Variants in ABR observed in about 807,000 individuals in gnomAD.
ABR encodes active breakpoint cluster region-related protein.
In ABR, 35 loss-of-function variants were observed where a neutral mutation model predicts 107.2. That is an observed-to-expected ratio of 0.33 (90% CI 0.25 to 0.43). The LOEUF (loss-of-function observed/expected upper bound fraction) is 0.43. Among genes scored for constraint, ABR ranks in the 20% least tolerant of loss-of-function variants. The pLI is 1.00. For synonymous variants in ABR, 498 were observed against 462.0 expected (o/e 1.08, Z -1.00); for missense variants, 815 against 1,115.2 (o/e 0.73, Z 3.83).
upstream of ABR, chr17:1,181,912 T>C (rs1055630977): frequency 6.6e-6 from 1 of 152,262 alleles, no homozygotes; most frequent in Non-Finnish European, 1.5e-5. Context: ...GAGGGAGCTA[T>C]GGATGTATGC....
chr17:1,058,890 G>A (rs1458764707), intron 10 of ABR, 23 bp from the exon 11 acceptor site: 1 of 1,613,478 alleles, frequency 6.2e-7, no homozygotes, highest in Non-Finnish European at 8.5e-7. Context: ...GGGACACAGA[G>A]GGTTCCCCTC....
chr17:1,159,917 G>A (rs1459806198), intron 1 of ABR, among the ~76,000 whole-genome samples: 1 of 152,252 alleles, frequency 6.6e-6, no homozygotes, highest in Non-Finnish European at 1.5e-5. Flanking sequence ...AGCCCCTCCA[G>A]GGCCTGATCT....
At chr17:1,045,786 C>G (rs1945748514) in intron 16 of ABR, among the ~76,000 whole-genome samples, 1 of 152,238 alleles carries the variant, frequency 6.6e-6, no homozygotes, top group Non-Finnish European at 1.5e-5. Flanking sequence ...TCTTTCCAAT[C>G]TGACAGTGGG....
At chr17:1,209,824 T>C (rs1379402630) in intron 1 of ABR, among the ~76,000 whole-genome samples, 6 of 152,126 alleles carry the variant, frequency 3.9e-5, no homozygotes, top group Non-Finnish European at 1.5e-5. Context: ...AGTTTGGAGG[T>C]ATAATCACTC....
At chr17:1,124,306 C>T (rs1010353117) in intron 2 of ABR, among the ~76,000 whole-genome samples, 7 of 152,280 alleles carry the variant, frequency 4.6e-5, no homozygotes, top group Middle Eastern at 6.8e-3. Context: ...CCTCTGGGGA[C>T]GTCAGAAGGC....
chr17:1,179,536 C>A lies in ABR; in HGVS notation c.61+131G>T. 2.0e-6 allele frequency: 2 copies of A among 995,866 alleles called. No individual in the cohort carries two copies. Among genetic ancestry groups the A allele is most frequent in the East Asian group, 6.6e-5 (2 of 30,330 alleles). 61.7% of individuals were successfully genotyped at this position (995,866 alleles called of 1,614,324 possible). On this transcript the variant is annotated intron_variant, in intron 1 of 22. Coordinates refer to ENST00000302538, the MANE Select transcript of ABR (RefSeq NM_021962.5). The surrounding 1 kb of genome is among the most constrained non-coding windows in gnomAD (Gnocchi z 4.9). ...GACCCCGATCTCGCCCCCGCCCGCG[C>A]TCCCCGGACCAGCCCGGTGCCTGGG... is the stretch of plus-strand genomic sequence containing the variant.
chr17:1,193,064 A>G (rs1185372497), intron 1 of ABR, among the ~76,000 whole-genome samples: 1 of 152,214 alleles, frequency 6.6e-6, no homozygotes, highest in Non-Finnish European at 1.5e-5. Flanking sequence ...AAAAAACAAA[A>G]CAAAACAAAA....
intron 16 of ABR, among the ~76,000 whole-genome samples, chr17:1,040,602 G>C (rs1272596721): frequency 6.6e-6 from 1 of 152,214 alleles, no homozygotes; most frequent in African/African-American, 2.4e-5. Context: ...ACCACTTATA[G>C]GTGACAGCCT....
intron 18 of ABR, 67 bp downstream of exon 18, chr17:1,012,621 G>A: frequency 8.1e-7 from 1 of 1,227,508 alleles, no homozygotes; most frequent in Non-Finnish European, 1.2e-6. Flanking sequence ...GGGAGGGCTG[G>A]GGGGCCCGGG....
chr17:1,112,425 A>G (rs2038726042), intron 2 of ABR, among the ~76,000 whole-genome samples: 2 of 152,322 alleles, frequency 1.3e-5, no homozygotes, highest in South Asian at 4.1e-4. Context: ...AGAAGGCCCG[A>G]AAGGAAAGGG....
intron 2 of ABR, among the ~76,000 whole-genome samples, chr17:1,110,417 C>T (rs1395396357): frequency 6.6e-6 from 1 of 152,170 alleles, no homozygotes; most frequent in Non-Finnish European, 1.5e-5. Context: ...GTGAAACCAC[C>T]ACTCACTCCA....
chr17:1,056,174 G>C, intron 13 of ABR, 65 bp from the exon 14 acceptor site: 10 of 1,400,228 alleles, frequency 7.1e-6, no homozygotes, highest in Non-Finnish European at 1.0e-5. Context: ...TCCACCCCAG[G>C]CCGGCGGGAG....
chr17:1,031,743 C>T (rs1413000406), intron 16 of ABR: 1 of 1,233,116 alleles, frequency 8.1e-7, no homozygotes, highest in South Asian at 3.6e-5. Context: ...GTCGGTCATG[C>T]CGGGGGGGAC....
At chr17:1,224,167 G>A (rs931795384) in intron 1 of ABR, among the ~76,000 whole-genome samples, 5 of 152,090 alleles carry the variant, frequency 3.3e-5, no homozygotes, top group South Asian at 2.1e-4. Context: ...TTCACAGCAC[G>A]CACCACCCAA....
intron 2 of ABR, among the ~76,000 whole-genome samples, chr17:1,116,198 T>A (rs980237365): frequency 2.6e-5 from 4 of 152,146 alleles, no homozygotes; most frequent in Admixed American, 6.6e-5. Context: ...CCAGCCTGGG[T>A]GACAGAGGGA....
intron 6 of ABR, 21 bp from the exon 7 acceptor site, chr17:1,073,698 AAGG>A (rs2035440727): frequency 6.3e-7 from 1 of 1,593,206 alleles, no homozygotes; most frequent in Non-Finnish European, 8.6e-7. Context: ...AGACAGGGAG[AAGG>A]AGGAAGAGGA....
At chr17:1,093,831 GAAGAA>G (rs2037202811) in intron 3 of ABR, among the ~76,000 whole-genome samples, 1 of 152,138 alleles carries the variant, frequency 6.6e-6, no homozygotes, top group African/African-American at 2.4e-5. Context: ...ATGTTCACTG[GAAGAA>G]GTCGTCTCAT....
chr17:1,180,047 G>C (rs1206640431), upstream of ABR, among the ~76,000 whole-genome samples: 1 of 91,322 alleles, frequency 1.1e-5, no homozygotes, highest in Non-Finnish European at 2.3e-5. Flanking sequence ...GCGGGGGCGG[G>C]GCTTTGGTGC....
intron 1 of ABR, among the ~76,000 whole-genome samples, chr17:1,226,899 T>G (rs1210185474): frequency 7.5e-6 from 1 of 134,178 alleles, no homozygotes; most frequent in African/African-American, 2.9e-5. Flanking sequence ...TGTAACCAAG[T>G]GCAAGTCCAC....
Sources: gnomAD v4.1 joint callset for allele counts (sites outside exome capture counted in the v4.1 genomes callset) on GRCh38, gnomAD v4.1.1 for gene constraint, Gnocchi (gnomAD v3.1) non-coding constraint, MANE v1.5 for transcripts, NCBI Gene and HGNC (gene_info 2026-07-23, HGNC 2026-07-21) for gene names.